SPATA17: variants seen among roughly 807,000 people sequenced by gnomAD.
SPATA17 encodes spermatogenesis associated 17.
Under a neutral mutation model 62.2 loss-of-function variants are expected in SPATA17, and 53 were observed. The ratio of observed to expected loss-of-function variants is 0.85; its 90% CI spans 0.68 to 1.07. SPATA17 has a LOEUF of 1.07. SPATA17 is among the 50% of genes least tolerant of loss of function. The pLI is 0.00. For missense variants in SPATA17, 466 were observed against 425.5 expected (o/e 1.10, Z -0.84); for synonymous variants, 146 against 146.8 (o/e 0.99, Z 0.04).
intron 5 of SPATA17, among the ~76,000 whole-genome samples, chr1:217,732,082 G>GTT (rs1476870597): frequency 1.3e-4 from 14 of 110,668 alleles, no homozygotes; most frequent in African/African-American, 2.6e-4. Flanking sequence ...AATTACTCCA[G>GTT]TTTCTCTCTC....
chr1:217,771,902 A>G (rs565103254), intron 6 of SPATA17, among the ~76,000 whole-genome samples: 1 of 152,292 alleles, frequency 6.6e-6, no homozygotes, highest in Non-Finnish European at 1.5e-5. Flanking sequence ...GCGGTTATTC[A>G]GGTAGGTAGA....
intron 9 of SPATA17, among the ~76,000 whole-genome samples, chr1:217,858,160 C>T (rs1039395962): frequency 2.2e-4 from 34 of 152,098 alleles, no homozygotes; most frequent in African/African-American, 7.5e-4. Flanking sequence ...CAATATTACA[C>T]ATGGATAATT....
intron 2 of SPATA17, among the ~76,000 whole-genome samples, chr1:217,649,934 C>CTTTTTTT: frequency 8.3e-6 from 1 of 120,424 alleles, no homozygotes; most frequent in African/African-American, 3.1e-5. Flanking sequence ...AGGCTTCTCT[C>CTTTTTTT]TTTTTTTTTT....
chr1:217,789,497 T>G (rs1673948515), intron 8 of SPATA17, among the ~76,000 whole-genome samples: 1 of 152,096 alleles, frequency 6.6e-6, no homozygotes, highest in Non-Finnish European at 1.5e-5. Context: ...AGCAAAAAGA[T>G]TCAAGGAAGC....
chr1:217,867,139 T>G lies in SPATA17; in HGVS notation c.*120T>G, dbSNP rs1382237727. ...GCTATGATTCAATAAACTATAAAAT[T>G]TTGTAGCTCTAGTCATGAATTAATT... is the stretch of plus-strand genomic sequence containing the variant. On this transcript the variant is annotated 3_prime_UTR_variant, in exon 11 of 11. Coordinates refer to ENST00000366933, the MANE Select transcript of SPATA17 (RefSeq NM_138796.4). The G allele has an allele frequency of 6.6e-6, 1 of 152,080 alleles. No homozygotes were observed. The highest frequency in any genetic ancestry group is 1.5e-5 in the Non-Finnish European group (1 of 68,010). 9.4% of individuals were successfully genotyped at this position (152,080 alleles called of 1,614,324 possible).
chr1:217,851,293 T>A (rs1292008748), intron 9 of SPATA17, among the ~76,000 whole-genome samples: 1 of 152,140 alleles, frequency 6.6e-6, no homozygotes, highest in African/African-American at 2.4e-5. Context: ...CCTGTGAGAA[T>A]TCCATCATAT....
At chr1:217,706,951 C>G (rs2102923607) in intron 5 of SPATA17, among the ~76,000 whole-genome samples, 1 of 151,982 alleles carries the variant, frequency 6.6e-6, no homozygotes, top group East Asian at 1.9e-4. Context: ...ACTGCAAACT[C>G]CGCCTCCCGG....
chr1:217,688,270 A>T (rs1671269024), intron 5 of SPATA17, among the ~76,000 whole-genome samples: 1 of 152,182 alleles, frequency 6.6e-6, no homozygotes, highest in South Asian at 2.1e-4. Context: ...TATTTTTTAA[A>T]AAACTGGTTA....
chr1:217,833,627 A>G (rs1214340342), intron 9 of SPATA17, among the ~76,000 whole-genome samples: 1 of 152,082 alleles, frequency 6.6e-6, no homozygotes, highest in Non-Finnish European at 1.5e-5. Context: ...TTATATGCGG[A>G]GTTTGATTTA....
intron 8 of SPATA17, among the ~76,000 whole-genome samples, 194 bp from the exon 9 acceptor site, chr1:217,801,524 A>C (rs1162044195): frequency 2.0e-5 from 3 of 152,210 alleles, no homozygotes; most frequent in Admixed American, 1.3e-4. Context: ...CTCTATTTGC[A>C]GAATAGAAAA....
Position 217,832,338 on chromosome 1 carries a change from G to A in SPATA17, c.1006-30436G>A, listed in dbSNP as rs543870407. Among the ~76,000 whole-genome samples the A allele has an allele frequency of 2.2e-4, 33 of 152,178 alleles. 1 individual carries two copies. The highest frequency in any genetic ancestry group is 7.2e-4 in the African/African-American group (30 of 41,548). ...AACAGTGGTAGACTATATTAGATAT[G>A]TTCACAACTAACATATTTTCTTTTT... is the stretch of plus-strand genomic sequence containing the variant. On this transcript the variant is annotated intron_variant, in intron 9 of 10. Coordinates refer to ENST00000366933, the MANE Select transcript of SPATA17 (RefSeq NM_138796.4).
At chr1:217,719,296 T>C (rs1672072611) in intron 5 of SPATA17, among the ~76,000 whole-genome samples, 1 of 152,252 alleles carries the variant, frequency 6.6e-6, no homozygotes, top group South Asian at 2.1e-4. Context: ...TTAGTAACTA[T>C]TTCTTTCTCA....
chr1:217,848,464 T>C (rs1340724909), intron 9 of SPATA17, among the ~76,000 whole-genome samples: 1 of 152,190 alleles, frequency 6.6e-6, no homozygotes, highest in African/African-American at 2.4e-5. Flanking sequence ...GATTGTTTCT[T>C]ATTAAATCAA....
At chr1:217,779,331 A>C (rs926782889) in intron 7 of SPATA17, among the ~76,000 whole-genome samples, 3 of 151,906 alleles carry the variant, frequency 2.0e-5, no homozygotes, top group Non-Finnish European at 4.4e-5. Flanking sequence ...GCTACAAAAT[A>C]ATGATCCCTA....
At position 217,649,033 on chromosome 1, in the gene SPATA17, T is replaced by C. The variant is rs897337780; in HGVS notation, c.158+62T>C. On this transcript the variant is annotated intron_variant, in intron 2 of 10. Transcript: ENST00000366933. ...ATAAAAATATATTCCTTAGAAAATG[T>C]AATTTATTCATGAAGTACTCATTTC... The C allele has an allele frequency of 1.3e-5, 15 of 1,187,888 alleles. 1 individual carries two copies. The highest frequency in any genetic ancestry group is 7.1e-5 in the Admixed American group (3 of 42,188). 73.6% of individuals were successfully genotyped at this position (1,187,888 alleles called of 1,614,324 possible). A position where few individuals can be genotyped will look rare whatever the true frequency, so the allele number is the denominator to read the frequency against.
At chr1:217,814,026 A>G (rs1199918855) in intron 9 of SPATA17, among the ~76,000 whole-genome samples, 1 of 152,018 alleles carries the variant, frequency 6.6e-6, no homozygotes, top group East Asian at 1.9e-4. Flanking sequence ...GTGATTTCCA[A>G]TTATGCTTTT....
intron 9 of SPATA17, among the ~76,000 whole-genome samples, chr1:217,842,306 G>C (rs557069918): frequency 2.6e-5 from 4 of 151,964 alleles, no homozygotes; most frequent in South Asian, 2.1e-4. Flanking sequence ...TTAGTATCGA[G>C]ATTATGCTGA....
chr1:217,774,724 C>A (rs1279377825), intron 7 of SPATA17, among the ~76,000 whole-genome samples, 187 bp downstream of exon 7: 1 of 151,996 alleles, frequency 6.6e-6, no homozygotes, highest in Non-Finnish European at 1.5e-5. Context: ...AAAACTATAC[C>A]CACTAAACAA....
At chr1:217,861,459 CA>C (rs902829614) in intron 9 of SPATA17, among the ~76,000 whole-genome samples, 2 of 150,262 alleles carry the variant, frequency 1.3e-5, no homozygotes, top group South Asian at 2.1e-4. Flanking sequence ...AAGTTGCCAA[CA>C]AAAAAAGTCA....
Sources: gnomAD v4.1 joint callset for allele counts (sites outside exome capture counted in the v4.1 genomes callset) on GRCh38, gnomAD v4.1.1 for gene constraint, MANE v1.5 for transcripts, NCBI Gene and HGNC (gene_info 2026-07-23, HGNC 2026-07-21) for gene names.